Variants in IMMP2L observed in about 807,000 individuals in gnomAD.
IMMP2L encodes inner mitochondrial membrane peptidase subunit 2.
IMMP2L carries 18 observed loss-of-function variants against 19.3 expected under a neutral mutation model. The ratio of observed to expected loss-of-function variants is 0.93; its 90% CI spans 0.64 to 1.38. IMMP2L has a LOEUF of 1.38. Ranked by LOEUF, IMMP2L falls within the 40% of genes most tolerant of loss-of-function variation. The pLI is 0.00. For synonymous variants in IMMP2L, 76 were observed against 73.0 expected (o/e 1.04, Z -0.21); for missense variants, 233 against 218.2 (o/e 1.07, Z -0.43).
intron 5 of IMMP2L, among the ~76,000 whole-genome samples, chr7:110,702,459 T>C (rs532556939): frequency 6.6e-6 from 1 of 152,318 alleles, no homozygotes; most frequent in South Asian, 2.1e-4. Context: ...TGAATATTAA[T>C]ATTAAGATCT....
At chr7:111,016,840 T>A (rs1284347735) in intron 3 of IMMP2L, among the ~76,000 whole-genome samples, 28 of 49,940 alleles carry the variant, frequency 5.6e-4, no homozygotes, top group East Asian at 5.1e-3. Context: ...TAGTATATAT[T>A]ATATATAATA....
chr7:111,539,132 A>AG (rs1563329904), intron 1 of IMMP2L, among the ~76,000 whole-genome samples: 1 of 61,584 alleles, frequency 1.6e-5, no homozygotes, highest in Non-Finnish European at 3.2e-5. Flanking sequence ...AAAGAAAAGA[A>AG]AAGGAAGGAA....
chr7:110,889,438 T>C (rs547945435), intron 4 of IMMP2L, among the ~76,000 whole-genome samples: 17 of 152,280 alleles, frequency 1.1e-4, no homozygotes, highest in Middle Eastern at 3.4e-3. Flanking sequence ...ATCCCTCACA[T>C]GCGCATTTCA....
chr7:111,279,627 C>T (rs1050906590), intron 3 of IMMP2L, among the ~76,000 whole-genome samples: 1 of 152,234 alleles, frequency 6.6e-6, no homozygotes, highest in South Asian at 2.1e-4. Flanking sequence ...ATTTCTCTGA[C>T]TTGATATCAC....
intron 3 of IMMP2L, among the ~76,000 whole-genome samples, chr7:111,173,512 G>A (rs1220778664): frequency 6.6e-6 from 1 of 151,604 alleles, no homozygotes; most frequent in Non-Finnish European, 1.5e-5. Context: ...TTATGAGAGT[G>A]TATGAATTTT....
intron 1 of IMMP2L, among the ~76,000 whole-genome samples, chr7:111,560,762 G>T (rs184046543): frequency 6.6e-6 from 1 of 152,210 alleles, no homozygotes; most frequent in Non-Finnish European, 1.5e-5. Context: ...TGATAAAAGT[G>T]CGTAGCACAT....
intron 3 of IMMP2L, among the ~76,000 whole-genome samples, chr7:111,433,702 T>A (rs1199362133): frequency 6.6e-6 from 1 of 151,536 alleles, no homozygotes; most frequent in Non-Finnish European, 1.5e-5. Context: ...GAGGATATTA[T>A]AATTCAAGGT....
intron 3 of IMMP2L, among the ~76,000 whole-genome samples, chr7:111,395,617 TGTTGATA>T (rs2131365175): frequency 6.6e-6 from 1 of 152,326 alleles, no homozygotes; most frequent in African/African-American, 2.4e-5. Context: ...TTTATTCTGC[TGTTGATA>T]GTTTTTGCCT....
At chr7:110,686,970 G>C (rs531737741) in intron 5 of IMMP2L, among the ~76,000 whole-genome samples, 147 of 152,162 alleles carry the variant, frequency 9.7e-4, no homozygotes, top group Non-Finnish European at 1.9e-3. Context: ...AACCATCACA[G>C]TATTATGCCC....
intron 3 of IMMP2L, among the ~76,000 whole-genome samples, chr7:111,437,338 A>G (rs1421445926): frequency 6.6e-6 from 1 of 151,616 alleles, no homozygotes; most frequent in Non-Finnish European, 1.5e-5. Context: ...CCAGCTACTC[A>G]GGAGGCTGAG....
At chr7:111,329,530 T>G in intron 3 of IMMP2L, among the ~76,000 whole-genome samples, 1 of 151,650 alleles carries the variant, frequency 6.6e-6, no homozygotes. Context: ...AGAAAGAAAC[T>G]CAGCCCTTGG....
chr7:111,230,627 C>T (rs1032750870), intron 3 of IMMP2L, among the ~76,000 whole-genome samples: 4 of 151,970 alleles, frequency 2.6e-5, no homozygotes, highest in Admixed American at 1.3e-4. Context: ...ATTCATTCCA[C>T]CAAATATTTT....
chr7:111,168,911 A>C (rs1429288458), intron 3 of IMMP2L, among the ~76,000 whole-genome samples: 1 of 151,816 alleles, frequency 6.6e-6, no homozygotes, highest in East Asian at 1.9e-4. Flanking sequence ...TAAACAACAA[A>C]AATTTTTGTC....
chr7:110,676,923 A>T (rs181565067), intron 5 of IMMP2L, among the ~76,000 whole-genome samples: 15 of 152,274 alleles, frequency 9.9e-5, no homozygotes, highest in African/African-American at 3.4e-4. Context: ...AAGAGAGAGC[A>T]AGGTCACTAA....
intron 5 of IMMP2L, among the ~76,000 whole-genome samples, chr7:110,722,314 A>T (rs1795624692): frequency 6.6e-6 from 1 of 152,116 alleles, no homozygotes; most frequent in African/African-American, 2.4e-5. Flanking sequence ...TAGTTAATAC[A>T]TACTTAGTAC....
intron 5 of IMMP2L, among the ~76,000 whole-genome samples, chr7:110,665,660 T>C (rs1230793608): frequency 6.6e-6 from 1 of 152,208 alleles, no homozygotes; most frequent in Non-Finnish European, 1.5e-5. Context: ...TGCTTGATTT[T>C]TTTTCCCTCA....
rs941926959 is a variant in IMMP2L at position 111,504,784 on chromosome 7, A to T, written c.135+16529T>A. On this transcript the variant is annotated intron_variant, in intron 2 of 5. Transcript: ENST00000405709. ...GGCTAGCCATGTGTAGAAAGCTGAA[A>T]CTGGATCCCTTCCTTACACCTTATA... Among the ~76,000 whole-genome samples the T allele has an allele frequency of 2.7e-3, 413 of 152,306 alleles. 3 individuals are homozygous for T. The highest frequency in any genetic ancestry group is 4.4e-3 in the Non-Finnish European group (301 of 68,016).
At chr7:110,801,327 G>C (rs554321097) in intron 5 of IMMP2L, among the ~76,000 whole-genome samples, 1 of 152,002 alleles carries the variant, frequency 6.6e-6, no homozygotes, top group Non-Finnish European at 1.5e-5. Flanking sequence ...TATACTGCTT[G>C]TCTAAATTTT....
chr7:110,918,942 T>C (rs957915455), intron 4 of IMMP2L, among the ~76,000 whole-genome samples: 1 of 152,164 alleles, frequency 6.6e-6, no homozygotes, highest in African/African-American at 2.4e-5. Context: ...CCAATAGAAA[T>C]TGATGGTTCA....
Sources: gnomAD v4.1 joint callset for allele counts (sites outside exome capture counted in the v4.1 genomes callset) on GRCh38, gnomAD v4.1.1 for gene constraint, MANE v1.5 for transcripts, NCBI Gene and HGNC (gene_info 2026-07-23, HGNC 2026-07-21) for gene names.